Variants in ARFGEF3 observed in about 807,000 individuals in gnomAD.
The protein encoded by ARFGEF3 is ARFGEF family member 3, also known as brefeldin A-inhibited guanine nucleotide-exchange protein 3.
ARFGEF3 carries 96 observed loss-of-function variants against 221.7 expected under a neutral mutation model. The observed-to-expected ratio is 0.43, with a 90% CI of 0.37 to 0.51. The LOEUF is 0.51. Among genes scored for constraint, ARFGEF3 ranks in the 20% least tolerant of loss-of-function variants. The probability of loss-of-function intolerance (pLI) is 0.00; values close to 1 mark genes in which losing one functional copy is unlikely to be tolerated. For missense variants in ARFGEF3, 2,410 were observed against 2,789.9 expected (o/e 0.86, Z 3.07); for synonymous variants, 1,145 against 1,126.8 (o/e 1.02, Z -0.32).
intron 29 of ARFGEF3, among the ~76,000 whole-genome samples, chr6:138,322,496 T>C (rs901937227): frequency 6.6e-6 from 1 of 152,042 alleles, no homozygotes; most frequent in Admixed American, 6.6e-5. Flanking sequence ...GGAAATGTGG[T>C]ACATACACAA....
At chr6:138,193,522 A>T (rs1374002341) in intron 2 of ARFGEF3, among the ~76,000 whole-genome samples, 1 of 152,210 alleles carries the variant, frequency 6.6e-6, no homozygotes, top group African/African-American at 2.4e-5. Flanking sequence ...GACATGTAGT[A>T]GGCTAAATAA....
chr6:138,331,545 C>T (rs1182692845), intron 32 of ARFGEF3, among the ~76,000 whole-genome samples: 1 of 152,206 alleles, frequency 6.6e-6, no homozygotes, highest in Non-Finnish European at 1.5e-5. Context: ...GTTTTAATAG[C>T]CTTGACATTG....
Position 138,162,258 on chromosome 6 carries a change from G to A in ARFGEF3, c.85+87G>A, listed in dbSNP as rs991833039. ...CCTCCGCGCGTGGGGCTTTCGCGGAGCGTCGGTCATGGGTGCCGTTCTGGC... is the reference window on the plus strand; with the variant it reads ...CCTCCGCGCGTGGGGCTTTCGCGGAACGTCGGTCATGGGTGCCGTTCTGGC... On this transcript the variant is annotated intron_variant, in intron 1 of 33. Coordinates refer to ENST00000251691, the MANE Select transcript of ARFGEF3 (RefSeq NM_020340.5). This position sits in a 1 kb window ranked among gnomAD's most constrained non-coding sequence, Gnocchi z 4.7. 6.1e-5 allele frequency: 58 copies of A among 950,568 alleles called. No individual in the cohort carries two copies. In the Admixed American group the frequency reaches 1.1e-3, roughly 18 times the overall value. The allele number at this position is 950,568 out of a possible 1,614,324, so 58.9% of individuals were successfully genotyped here.
intron 1 of ARFGEF3, among the ~76,000 whole-genome samples, chr6:138,165,512 G>C (rs533558527): frequency 1.7e-4 from 26 of 150,832 alleles, no homozygotes; most frequent in Admixed American, 6.6e-4. Context: ...AGACCCACAT[G>C]GGGGAGAGGG....
chr6:138,234,980 T>C (rs913286739), intron 5 of ARFGEF3, among the ~76,000 whole-genome samples: 3 of 152,186 alleles, frequency 2.0e-5, no homozygotes, highest in Non-Finnish European at 4.4e-5. Flanking sequence ...GCATCTTCTT[T>C]AATATTTGTG....
Position 138,296,669 on chromosome 6 carries a change from G to A in ARFGEF3, c.3503-141G>A, listed in dbSNP as rs569146024. ...AACCACCACATCCTTCTTGAATCCA[G>A]GGCTCCCTCCTCCCTTGGTTAGCCA... is the stretch of plus-strand genomic sequence containing the variant. On this transcript the variant is annotated intron_variant, in intron 20 of 33. Transcript: ENST00000251691. The A allele has an allele frequency of 1.5e-5, 14 of 954,886 alleles. No homozygotes were observed. The South Asian group carries it at 2.2e-4, about 15-fold the overall frequency. 59.2% of individuals were successfully genotyped at this position (954,886 alleles called of 1,614,324 possible).
chr6:138,298,511 A>G, intron 21 of ARFGEF3, 95 bp from the exon 22 acceptor site: 1 of 910,558 alleles, frequency 1.1e-6, no homozygotes, highest in South Asian at 1.8e-5. Context: ...TGCTGCTTCC[A>G]CCTCCTTGTA....
chr6:138,299,198 TAAAAAAAAAAAAAAA>T (rs60475752), intron 22 of ARFGEF3, among the ~76,000 whole-genome samples: 3 of 39,440 alleles, frequency 7.6e-5, no homozygotes, highest in East Asian at 2.4e-3. Flanking sequence ...CGAGACTCTG[TAAAAAAAAAAAAAAA>T]AAAAAAAAAA....
chr6:138,209,691 G>T (rs561024552), intron 3 of ARFGEF3, among the ~76,000 whole-genome samples: 1 of 151,874 alleles, frequency 6.6e-6, no homozygotes, highest in Non-Finnish European at 1.5e-5. Flanking sequence ...CTCATGACCC[G>T]CCCACCTCAG....
In ARFGEF3 at chr6:138,334,771, G is replaced by A. The variant is rs1159684909; in HGVS notation, c.5925G>A (p.Glu1975=). ...DRSQSREHMG[E]SLSLKAGGGD... ...GCCAGTCCCGGGAGCACATGGGCGAGTCCCTGAGCCTGAAGGCCGGTGGTG... is the reference window on the plus strand; with the variant it reads ...GCCAGTCCCGGGAGCACATGGGCGAATCCCTGAGCCTGAAGGCCGGTGGTG... Residue 1975 remains glutamate (E), a synonymous_variant, in exon 33 of 34, where the codon GAG becomes GAA. Coordinates refer to ENST00000251691, the MANE Select transcript of ARFGEF3 (RefSeq NM_020340.5). The surrounding 1 kb of genome is among the most constrained non-coding windows in gnomAD (Gnocchi z 5.1). 6.2e-7 allele frequency: 1 copy of A among 1,610,228 alleles called. No homozygotes were observed. The highest frequency in any genetic ancestry group is 8.5e-7 in the Non-Finnish European group (1 of 1,178,248).
chr6:138,287,451 T>A (rs781305528), intron 17 of ARFGEF3, among the ~76,000 whole-genome samples: 3 of 152,226 alleles, frequency 2.0e-5, no homozygotes, highest in Non-Finnish European at 4.4e-5. Context: ...CCCACCTGGC[T>A]GAACTGTTCA....
intron 4 of ARFGEF3, chr6:138,215,841 GGTGTGTGTGTGTGTGTGTGTGT>G (rs61141343): frequency 1.7e-5 from 2 of 121,136 alleles, no homozygotes; most frequent in East Asian, 2.2e-4. Flanking sequence ...TAATCGGTCT[GGTGTGTGTGTGTGTGTGTGTGT>G]GTGTGTGTGT....
At chr6:138,224,945 A>T (rs930034267) in intron 4 of ARFGEF3, among the ~76,000 whole-genome samples, 17 of 152,192 alleles carry the variant, frequency 1.1e-4, no homozygotes, top group Non-Finnish European at 1.5e-4. Context: ...GCTTTGTAAA[A>T]TATGTGGGAA....
chr6:138,320,755 T>TA (rs1250798680), intron 28 of ARFGEF3, among the ~76,000 whole-genome samples: 4 of 152,204 alleles, frequency 2.6e-5, no homozygotes, highest in African/African-American at 9.7e-5. Flanking sequence ...ATGTAGGTGG[T>TA]AACTGGTAAC....
intron 14 of ARFGEF3, among the ~76,000 whole-genome samples, chr6:138,280,475 G>A (rs1410562467): frequency 6.6e-6 from 1 of 152,198 alleles, no homozygotes; most frequent in Non-Finnish European, 1.5e-5. Context: ...GATTATTCCT[G>A]GAAGTTCTCA....
chr6:138,195,432 C>T (rs920187143), intron 2 of ARFGEF3, among the ~76,000 whole-genome samples: 3 of 152,106 alleles, frequency 2.0e-5, no homozygotes, highest in East Asian at 3.9e-4. Context: ...AAGTTCTTTC[C>T]AATCTCTCCC....
chr6:138,254,873 T>G (rs1778646581), intron 9 of ARFGEF3, among the ~76,000 whole-genome samples: 1 of 152,180 alleles, frequency 6.6e-6, no homozygotes, highest in African/African-American at 2.4e-5. Flanking sequence ...CAGAAAATTT[T>G]TCTGTGTTTT....
chr6:138,261,582 C>G lies in ARFGEF3; in HGVS notation c.1160C>G (p.Ser387Ter). The change falls in exon 11 of 34, where the codon TCA (serine) becomes TGA (stop). Residue 387 changes from serine to a stop codon, truncating the protein, a stop_gained. Transcript: ENST00000251691. LOFTEE classifies it high-confidence loss of function. Reference sequence around the variant, plus strand: ...TTGGCAGGACCCAGCTCCACTGAATCAGAGTCCAGAAAAAGATCAATTTCA... The same window carrying G: ...TTGGCAGGACCCAGCTCCACTGAATGAGAGTCCAGAAAAAGATCAATTTCA... ...CDLAGPSSTESESRKRSISKR... is the reference protein window; with the variant it reads ...CDLAGPSSTE 1 of 1,579,802 alleles carries G rather than the reference C, an allele frequency of 6.3e-7. No individual in the cohort carries two copies. Among genetic ancestry groups the G allele is most frequent in the Non-Finnish European group, 8.6e-7 (1 of 1,161,328 alleles).
intron 2 of ARFGEF3, among the ~76,000 whole-genome samples, chr6:138,200,462 G>A (rs950366515): frequency 2.0e-5 from 3 of 152,136 alleles, no homozygotes; most frequent in East Asian, 1.9e-4. Flanking sequence ...GTGTGGTACT[G>A]GTATAAAAAT....
Sources: allele counts gnomAD v4.1 joint callset (sites outside exome capture counted in the v4.1 genomes callset), GRCh38; gene constraint gnomAD v4.1.1; non-coding constraint Gnocchi (gnomAD v3.1); transcripts MANE v1.5; gene names NCBI Gene and HGNC (gene_info 2026-07-23, HGNC 2026-07-21).